TFPI: variants seen among roughly 807,000 people sequenced by gnomAD.
TFPI encodes the protein tissue factor pathway inhibitor.
TFPI carries 15 observed loss-of-function variants against 34.6 expected under a neutral mutation model. The ratio of observed to expected loss-of-function variants is 0.43; its 90% CI spans 0.29 to 0.67. TFPI has a LOEUF of 0.67. TFPI is among the 30% of genes least tolerant of loss of function. The pLI, the probability that TFPI is intolerant of heterozygous loss-of-function variation, is 0.15. For missense variants in TFPI, 301 were observed against 364.0 expected (o/e 0.83, Z 1.41); for synonymous variants, 105 against 120.1 (o/e 0.87, Z 0.82).
chr2:187,519,867 G>T (rs184390174), intron 1 of TFPI: 1 of 152,252 alleles, frequency 6.6e-6, no homozygotes, highest in African/African-American at 2.4e-5. Flanking sequence ...AATCTAGGGA[G>T]GCAGTCTGTT....
chr2:187,476,738 C>G (rs1692401506), intron 6 of TFPI, among the ~76,000 whole-genome samples: 2 of 152,154 alleles, frequency 1.3e-5, no homozygotes, highest in Admixed American at 6.5e-5. Flanking sequence ...TAGAGTAGCT[C>G]AAGTTTGTCT....
chr2:187,478,716 A>G, intron 6 of TFPI: 1 of 1,613,748 alleles, frequency 6.2e-7, no homozygotes, highest in Non-Finnish European at 8.5e-7. Flanking sequence ...TAGAAAGAAC[A>G]TGGATGCATG....
intron 1 of TFPI, among the ~76,000 whole-genome samples, chr2:187,509,927 G>A (rs1006067385): frequency 6.6e-6 from 1 of 151,986 alleles, no homozygotes; most frequent in South Asian, 2.1e-4. Flanking sequence ...ATGCCTCCCC[G>A]TTTTAGTTTC....
intron 6 of TFPI, among the ~76,000 whole-genome samples, chr2:187,468,160 G>A (rs1462642008): frequency 4.0e-5 from 6 of 151,758 alleles, no homozygotes; most frequent in Admixed American, 1.3e-4. Flanking sequence ...AATCTCATTT[G>A]CTAAAGAGAA....
intron 1 of TFPI, among the ~76,000 whole-genome samples, chr2:187,512,332 G>C (rs1329955122): frequency 6.9e-6 from 1 of 145,542 alleles, no homozygotes; most frequent in Non-Finnish European, 1.5e-5. Flanking sequence ...AAATCTTAAA[G>C]TATAAGGGTA....
rs8176495 is a variant in TFPI at position 187,489,904 on chromosome 2, A to G, written c.320-1529T>C. Reference sequence around the variant, plus strand: ...CGATTAATAGTTAGAAAAGATTTACAGCAAATTATCAAGTTTTCTTAGATT... The same window carrying G: ...CGATTAATAGTTAGAAAAGATTTACGGCAAATTATCAAGTTTTCTTAGATT... On this transcript the variant is annotated intron_variant, in intron 3 of 7. Coordinates refer to ENST00000233156, the MANE Select transcript of TFPI (RefSeq NM_006287.6). Among the ~76,000 whole-genome samples, 883 of 151,716 alleles carry G rather than the reference A, an allele frequency of 5.8e-3. 8 individuals carry two copies. The highest frequency in any genetic ancestry group is 0.02 in the African/African-American group (835 of 41,526).
intron 1 of TFPI, among the ~76,000 whole-genome samples, chr2:187,548,803 A>G (rs1688989677): frequency 6.6e-6 from 1 of 152,036 alleles, no homozygotes; most frequent in Non-Finnish European, 1.5e-5. Flanking sequence ...CATATAGAAA[A>G]ACAGATCTCT....
At position 187,508,832 on chromosome 2, in the gene TFPI, G is replaced by C. The variant is rs1574458534; in HGVS notation, c.-2-5062C>G. 2.0e-5 allele frequency among the ~76,000 whole-genome samples: 3 copies of C among 152,122 alleles called. No homozygotes were observed. In the East Asian group the frequency reaches 5.8e-4, roughly 29 times the overall value. On this transcript the variant is annotated intron_variant, in intron 1 of 7. Coordinates refer to ENST00000233156, the MANE Select transcript of TFPI (RefSeq NM_006287.6). ...CCCCGGCCAGAACTTCCAATACTAT[G>C]TTGAGTAAGAGCGGTGAGAGAGGGC...
chr2:187,527,897 G>A (rs1202970621), intron 1 of TFPI, among the ~76,000 whole-genome samples: 4 of 152,002 alleles, frequency 2.6e-5, no homozygotes, highest in Non-Finnish European at 4.4e-5. Flanking sequence ...AGCATTATAT[G>A]ACTAGATGGC....
chr2:187,470,994 A>T (rs1012288238), intron 6 of TFPI, among the ~76,000 whole-genome samples: 1 of 152,200 alleles, frequency 6.6e-6, no homozygotes, highest in African/African-American at 2.4e-5. Context: ...CAGAGTTTTG[A>T]CCCAGATCAA....
chr2:187,520,088 T>G (rs1410883758), intron 1 of TFPI, among the ~76,000 whole-genome samples: 1 of 152,122 alleles, frequency 6.6e-6, no homozygotes, highest in Non-Finnish European at 1.5e-5. Context: ...CTGGGCTCTG[T>G]AGGTGGTGGG....
intron 4 of TFPI, 70 bp downstream of exon 4, chr2:187,488,263 GCAAA>G: frequency 7.9e-7 from 1 of 1,273,384 alleles, no homozygotes; most frequent in Non-Finnish European, 1.1e-6. Context: ...AAACAAACAA[GCAAA>G]CAAACAAAAA....
At position 187,503,659 on chromosome 2, in the gene TFPI, G is replaced by A; in HGVS notation, c.110C>T (p.Thr37Ile). The change falls in exon 2 of 8, where the codon ACA becomes ATA. Residue 37 changes from threonine (T) to isoleucine (I), a missense_variant. By Grantham distance (89) the Thr-to-Ile change is moderately conservative. Transcript: ENST00000233156. ...TTCTAATATTTTACCTGTGATAATT[G>A]TGTGTTCTTCATCTTCCTCAGAATC... ...NADSEEDEEHTIITDTELPPL... is the reference protein window; with the variant it reads ...NADSEEDEEHIIITDTELPPL... 6.2e-7 allele frequency: 1 copy of A among 1,612,490 alleles called. No individual in the cohort carries two copies. The highest frequency in any genetic ancestry group is 8.5e-7 in the Non-Finnish European group (1 of 1,178,996).
At chr2:187,510,771 C>T (rs907927072) in intron 1 of TFPI, among the ~76,000 whole-genome samples, 2 of 152,196 alleles carry the variant, frequency 1.3e-5, no homozygotes, top group African/African-American at 2.4e-5. Flanking sequence ...CTTGCTCAAT[C>T]AATCACGACC....
chr2:187,550,791 A>G (rs1401000673), intron 1 of TFPI, among the ~76,000 whole-genome samples: 1 of 152,168 alleles, frequency 6.6e-6, no homozygotes, highest in African/African-American at 2.4e-5. Context: ...TGGACTTTAA[A>G]ATATTACCAA....
At chr2:187,475,636 C>A (rs773174409) in intron 6 of TFPI, among the ~76,000 whole-genome samples, 11 of 152,016 alleles carry the variant, frequency 7.2e-5, no homozygotes, top group Non-Finnish European at 2.9e-5. Context: ...AAATGAGGAA[C>A]CTGAAGCCAA....
At chr2:187,529,440 A>G (rs554181310) in intron 1 of TFPI, 1 of 152,364 alleles carries the variant, frequency 6.6e-6, no homozygotes, top group South Asian at 2.1e-4. Context: ...TTGGCTTGCC[A>G]ATGGTGGCTG....
chr2:187,482,008 T>A (rs1255428651), intron 6 of TFPI, among the ~76,000 whole-genome samples: 1 of 152,064 alleles, frequency 6.6e-6, no homozygotes, highest in Non-Finnish European at 1.5e-5. Flanking sequence ...CAGAGGCCAT[T>A]TAAAACTCAT....
intron 1 of TFPI, among the ~76,000 whole-genome samples, chr2:187,528,328 G>C (rs1348337534): frequency 6.6e-6 from 1 of 152,070 alleles, no homozygotes; most frequent in Non-Finnish European, 1.5e-5. Context: ...CTAAACAAGA[G>C]AATGTCTAAA....
Sources: gnomAD v4.1 joint callset for allele counts (sites outside exome capture counted in the v4.1 genomes callset) on GRCh38, gnomAD v4.1.1 for gene constraint, MANE v1.5 for transcripts, NCBI Gene and HGNC (gene_info 2026-07-23, HGNC 2026-07-21) for gene names.